Variants in PALM2AKAP2 observed in about 807,000 individuals in gnomAD.
PALM2AKAP2 encodes the protein PALM2 and AKAP2 fusion, also known as PALM2-AKAP2 fusion protein.
A neutral mutation model predicts 71.5 loss-of-function variants in PALM2AKAP2; 37 were observed. That is an observed-to-expected ratio of 0.52 (90% CI 0.40 to 0.68). The LOEUF is 0.68. Among genes scored for constraint, PALM2AKAP2 ranks in the 30% least tolerant of loss-of-function variants. PALM2AKAP2 has a pLI of 0.00. For missense variants in PALM2AKAP2, 1,224 were observed against 1,191.8 expected, an observed-to-expected ratio of 1.03 and a Z score of -0.40; for synonymous variants, 468 against 478.8, an observed-to-expected ratio of 0.98 and a Z score of 0.29.
chr9:110,151,195 T>TA (rs1836304915), intron 2 of PALM2AKAP2, among the ~76,000 whole-genome samples: 1 of 152,330 alleles, frequency 6.6e-6, no homozygotes. Flanking sequence ...TTACTTACTT[T>TA]AAAATTTTTT....
chr9:110,158,487 G>A (rs1264423832), intron 3 of PALM2AKAP2, among the ~76,000 whole-genome samples: 11 of 152,276 alleles, frequency 7.2e-5, no homozygotes, highest in African/African-American at 2.4e-4. Context: ...ATACAGAAGG[G>A]TAGAGGCAGT....
chr9:109,733,201 G>T (rs1330321400), intron 1 of PALM2AKAP2, among the ~76,000 whole-genome samples: 1 of 152,198 alleles, frequency 6.6e-6, no homozygotes, highest in Non-Finnish European at 1.5e-5. Flanking sequence ...ATCCTGGAAA[G>T]GGGTTGAGGG....
At chr9:109,646,536 C>T (rs1827157265) in intron 1 of PALM2AKAP2, among the ~76,000 whole-genome samples, 1 of 152,212 alleles carries the variant, frequency 6.6e-6, no homozygotes, top group African/African-American at 2.4e-5. Flanking sequence ...GATCATGAAA[C>T]ATCTGAAGTT....
chr9:110,138,209 C>G, exon 2 of PALM2AKAP2: 1 of 1,614,042 alleles, frequency 6.2e-7, no homozygotes, highest in Non-Finnish European at 8.5e-7. Context: ...GGGGCCCCCC[C>G]AGCCACTGCC....
intron 1 of PALM2AKAP2, among the ~76,000 whole-genome samples, chr9:110,135,172 A>ATATAT (rs58573716): frequency 1.1e-4 from 7 of 61,096 alleles, no homozygotes; most frequent in African/African-American, 4.3e-4. Context: ...AAAATATATA[A>ATATAT]ATATATATAT....
At chr9:110,034,646 C>T (rs903184014) in intron 7 of PALM2AKAP2, among the ~76,000 whole-genome samples, 1 of 145,946 alleles carries the variant, frequency 6.9e-6, no homozygotes, top group East Asian at 2.0e-4. Flanking sequence ...GTTTCGTTGC[C>T]CAGGCTGGAG....
At chr9:110,060,328 C>G (rs887745550) in intron 1 of PALM2AKAP2, among the ~76,000 whole-genome samples, 2 of 151,814 alleles carry the variant, frequency 1.3e-5, no homozygotes, top group Non-Finnish European at 2.9e-5. Context: ...GTCTCGAACT[C>G]CTGACCTCAA....
chr9:109,712,787 C>G (rs12346129), intron 1 of PALM2AKAP2, among the ~76,000 whole-genome samples: 2,760 of 152,244 alleles, frequency 0.018, 77 homozygotes, highest in African/African-American at 0.063. Flanking sequence ...TAGGTGGTCT[C>G]CAGCCATAGT....
chr9:109,872,957 C>T lies in PALM2AKAP2; in HGVS notation c.126+5386C>T, dbSNP rs562634771. On this transcript the variant is annotated intron_variant, in intron 2 of 9. Transcript: ENST00000302798. The stretch of plus-strand genomic sequence containing the variant: ...GAAGTTAAAACCTGATTTCTTCTAT[C>T]AGAAGTCTTGGGTCGGCTTCTCCCT... 5.3e-5 allele frequency among the ~76,000 whole-genome samples: 8 copies of T among 152,264 alleles called. No homozygotes were observed. In the East Asian group the frequency reaches 1.5e-3, roughly 29 times the overall value.
At chr9:109,801,834 G>GT (rs1827439435) in intron 1 of PALM2AKAP2, among the ~76,000 whole-genome samples, 1 of 152,132 alleles carries the variant, frequency 6.6e-6, no homozygotes, top group Non-Finnish European at 1.5e-5. Flanking sequence ...CTGCAGGAAG[G>GT]GGATAAAAAT....
chr9:109,949,845 A>G (rs1205745189), intron 6 of PALM2AKAP2, among the ~76,000 whole-genome samples: 1 of 152,246 alleles, frequency 6.6e-6, no homozygotes, highest in Non-Finnish European at 1.5e-5. Context: ...TCAAAGTCCA[A>G]ATCTTTCACA....
chr9:109,732,645 T>A (rs1178652856), intron 1 of PALM2AKAP2, among the ~76,000 whole-genome samples: 1 of 152,186 alleles, frequency 6.6e-6, no homozygotes, highest in Non-Finnish European at 1.5e-5. Context: ...GGTGATTACC[T>A]TCTAGTTGGG....
chr9:109,647,805 AC>A (rs1211126306), intron 1 of PALM2AKAP2, among the ~76,000 whole-genome samples: 3 of 152,204 alleles, frequency 2.0e-5, no homozygotes, highest in African/African-American at 7.2e-5. Context: ...TATCTCATTG[AC>A]TTTTAAAAGT....
intron 3 of PALM2AKAP2, among the ~76,000 whole-genome samples, chr9:110,167,024 G>A (rs561548889): frequency 3.2e-4 from 48 of 152,318 alleles, no homozygotes; most frequent in African/African-American, 1.1e-3. Context: ...TCAAAGGCAC[G>A]TCTTACATGG....
At chr9:110,001,114 C>T (rs1478539744) in intron 6 of PALM2AKAP2, among the ~76,000 whole-genome samples, 1 of 152,120 alleles carries the variant, frequency 6.6e-6, no homozygotes, top group African/African-American at 2.4e-5. Context: ...ATGGTATTGC[C>T]TAGGTTTTCT....
chr9:109,845,943 T>G (rs879296068), intron 1 of PALM2AKAP2, among the ~76,000 whole-genome samples: 2 of 152,138 alleles, frequency 1.3e-5, no homozygotes, highest in Non-Finnish European at 2.9e-5. Context: ...AGTCTCAGAT[T>G]CAGAAGGAGG....
intron 1 of PALM2AKAP2, among the ~76,000 whole-genome samples, chr9:109,674,851 C>T (rs1827626443): frequency 2.0e-5 from 3 of 151,896 alleles, no homozygotes; most frequent in African/African-American, 7.2e-5. Flanking sequence ...TATAGATAGT[C>T]CCTGACTGAT....
intron 2 of PALM2AKAP2, among the ~76,000 whole-genome samples, chr9:110,140,693 C>G (rs1246313196): frequency 6.6e-6 from 1 of 152,162 alleles, no homozygotes; most frequent in African/African-American, 2.4e-5. Context: ...CTCCTTCCCC[C>G]ACACTCCAGT....
rs370293512 is a variant in PALM2AKAP2 at position 109,880,704 on chromosome 9, A to G, written c.257+23A>G. The stretch of plus-strand genomic sequence containing the variant: ...GAGGTAGGTGGCTTCCAGCCCAGGG[A>G]ACCCATGCTACAGTTTTTCAGTGCA... On this transcript the variant is annotated intron_variant, in intron 3 of 9. Transcript: ENST00000302798. 1.6e-4 allele frequency: 264 copies of G among 1,612,148 alleles called. 1 individual carries two copies. Among genetic ancestry groups the G allele is most frequent in the Middle Eastern group, 9.9e-4 (6 of 6,048 alleles).
Sources: allele counts gnomAD v4.1 joint callset (sites outside exome capture counted in the v4.1 genomes callset), GRCh38; gene constraint gnomAD v4.1.1; transcripts MANE v1.5; gene names NCBI Gene and HGNC (gene_info 2026-07-23, HGNC 2026-07-21).